The following MAP2K5 variants were observed in gnomAD, a reference collection of about 807,000 sequenced individuals.
MAP2K5 encodes mitogen-activated protein kinase kinase 5.
MAP2K5 carries 49 observed loss-of-function variants against 83.1 expected under a neutral mutation model. The ratio of observed to expected loss-of-function variants is 0.59; its 90% CI spans 0.47 to 0.75. The LOEUF (loss-of-function observed/expected upper bound fraction) is 0.75. MAP2K5 is among the 30% of genes least tolerant of loss of function. The pLI is 0.00. For missense variants in MAP2K5, 457 were observed against 557.5 expected (o/e 0.82, Z 1.82); for synonymous variants, 202 against 191.8 (o/e 1.05, Z -0.44).
intron 13 of MAP2K5, among the ~76,000 whole-genome samples, chr15:67,688,651 C>G (rs1230511691): frequency 1.3e-5 from 2 of 152,136 alleles, no homozygotes; most frequent in Admixed American, 6.5e-5. Flanking sequence ...TGATAATACA[C>G]TTAAAGAATG....
rs2088579471 is a variant in MAP2K5 at position 67,707,278 on chromosome 15, G to A, written c.1044+3870G>A. On this transcript the variant is annotated intron_variant, in intron 16 of 21. Transcript: ENST00000178640. ...ATTACCTGAAGGGATTAGGAAGTTA[G>A]TCCAAAAGAAGTACTTGAAGACCAA... Among the ~76,000 whole-genome samples the A allele has an allele frequency of 5.3e-5, 8 of 152,118 alleles. No individual in the cohort carries two copies. The South Asian group carries it at 1.7e-3, about 32-fold the overall frequency.
rs912125429 is a variant in MAP2K5 at position 67,738,752 on chromosome 15, T to C, written c.1075-9479T>C. Among the ~76,000 whole-genome samples the C allele has an allele frequency of 2.0e-5, 3 of 152,222 alleles. No individual in the cohort carries two copies. Among genetic ancestry groups the C allele is most frequent in the Admixed American group, 1.3e-4 (2 of 15,282 alleles). ...CTATCTGGTAATTTTTAAATGCATC[T>C]AAGTAATACCTTATTTGAACTAGAG... is the stretch of plus-strand genomic sequence containing the variant. On this transcript the variant is annotated intron_variant, in intron 17 of 21. Coordinates refer to ENST00000178640, the MANE Select transcript of MAP2K5 (RefSeq NM_145160.3). The surrounding 1 kb of genome is among the most constrained non-coding windows in gnomAD (Gnocchi z 4.1).
chr15:67,740,620 G>A (rs559960665), intron 17 of MAP2K5, among the ~76,000 whole-genome samples: 7 of 152,130 alleles, frequency 4.6e-5, no homozygotes, highest in Admixed American at 3.9e-4. Flanking sequence ...TTCCTTTTCA[G>A]TCTCAGATTT....
At chr15:67,709,667 TC>T (rs1253452827) in intron 16 of MAP2K5, among the ~76,000 whole-genome samples, 1 of 152,228 alleles carries the variant, frequency 6.6e-6, no homozygotes, top group African/African-American at 2.4e-5. Flanking sequence ...AGTCCCACTC[TC>T]ATTTTTTACT....
chr15:67,674,753 T>A (rs1256828182), intron 13 of MAP2K5, among the ~76,000 whole-genome samples: 2 of 152,040 alleles, frequency 1.3e-5, no homozygotes, highest in Non-Finnish European at 2.9e-5. Flanking sequence ...CAAAACTCAA[T>A]GGTAGAAAAA....
intron 21 of MAP2K5, among the ~76,000 whole-genome samples, chr15:67,776,926 A>G (rs955711324): frequency 1.3e-5 from 2 of 152,154 alleles, no homozygotes; most frequent in African/African-American, 2.4e-5. Context: ...CCCTTGACCA[A>G]TGGTCTGTGA....
At chr15:67,721,597 G>A (rs1218127961) in intron 16 of MAP2K5, among the ~76,000 whole-genome samples, 1 of 152,184 alleles carries the variant, frequency 6.6e-6, no homozygotes, top group Non-Finnish European at 1.5e-5. Flanking sequence ...AGAGCCCAGT[G>A]TTCCTAGGCT....
rs2089381731 is a variant in MAP2K5, at chr15:67,738,001, A to G, written c.1074+10056A>G. 6.6e-6 allele frequency among the ~76,000 whole-genome samples: 1 copy of G among 151,842 alleles called. No homozygotes were observed. Among genetic ancestry groups the G allele is most frequent in the African/African-American group, 2.4e-5 (1 of 41,412 alleles). ...CGAGTAGCTGGGATTATAGGAGTGCATCACCATACCCGGCTAATTTTTGTA... is the reference window on the plus strand; with the variant it reads ...CGAGTAGCTGGGATTATAGGAGTGCGTCACCATACCCGGCTAATTTTTGTA... On this transcript the variant is annotated intron_variant, in intron 17 of 21. Transcript: ENST00000178640. This position sits in a 1 kb window ranked among gnomAD's most constrained non-coding sequence, Gnocchi z 4.1.
At chr15:67,735,428 C>T (rs2089318593) in intron 17 of MAP2K5, among the ~76,000 whole-genome samples, 1 of 152,232 alleles carries the variant, frequency 6.6e-6, no homozygotes, top group South Asian at 2.1e-4. Context: ...ACCTTCTACA[C>T]TATTGTATGA....
intron 15 of MAP2K5, among the ~76,000 whole-genome samples, chr15:67,696,840 G>A (rs1401521873): frequency 6.6e-6 from 1 of 151,878 alleles, no homozygotes; most frequent in Admixed American, 6.6e-5. Flanking sequence ...TCAGCTGGGC[G>A]TGGTGGTGCA....
At position 67,552,488 on chromosome 15, in the gene MAP2K5, G is replaced by A. The variant is rs943388124; in HGVS notation, c.184+2406G>A. On this transcript the variant is annotated intron_variant, in intron 2 of 21. Coordinates refer to ENST00000178640, the MANE Select transcript of MAP2K5 (RefSeq NM_145160.3). This position sits in a 1 kb window ranked among gnomAD's most constrained non-coding sequence, Gnocchi z 4.2. The stretch of plus-strand genomic sequence containing the variant: ...ATTGCTCTGTTGCCCAGGCTGGAGT[G>A]CAGTGACATGATGATAGCTCACTGC... 1.3e-5 allele frequency among the ~76,000 whole-genome samples: 2 copies of A among 152,124 alleles called. No homozygotes were observed. Among genetic ancestry groups the A allele is most frequent in the African/African-American group, 4.8e-5 (2 of 41,398 alleles).
intron 3 of MAP2K5, among the ~76,000 whole-genome samples, chr15:67,569,537 T>G (rs1057475298): frequency 2.0e-5 from 3 of 152,236 alleles, no homozygotes; most frequent in Admixed American, 6.5e-5. Context: ...TTATTTTAAT[T>G]CTCTTCTCTG....
In MAP2K5 at chr15:67,752,343, A is replaced by G. The variant is rs1277945339; in HGVS notation, c.1134+3742A>G. Among the ~76,000 whole-genome samples, 4 of 151,760 alleles carry G rather than the reference A, an allele frequency of 2.6e-5. No homozygotes were observed. In the East Asian group the frequency reaches 5.9e-4, roughly 22 times the overall value. Reference sequence around the variant, plus strand: ...TGGCCTCCCAAAGTGCTGATTTCATATGGTACTTTTTAGTTTTGCTAAGGT... The same window carrying G: ...TGGCCTCCCAAAGTGCTGATTTCATGTGGTACTTTTTAGTTTTGCTAAGGT... On this transcript the variant is annotated intron_variant, in intron 19 of 21. Coordinates refer to ENST00000178640, the MANE Select transcript of MAP2K5 (RefSeq NM_145160.3).
intron 13 of MAP2K5, among the ~76,000 whole-genome samples, chr15:67,669,967 A>G (rs1300687953): frequency 6.6e-6 from 1 of 152,188 alleles, no homozygotes; most frequent in Non-Finnish European, 1.5e-5. Context: ...AAAGGAAAAC[A>G]TATGTCCACA....
chr15:67,629,004 G>A, intron 8 of MAP2K5: 1 of 758,162 alleles, frequency 1.3e-6, no homozygotes, highest in Non-Finnish European at 2.4e-6. Flanking sequence ...ACCCGTGAAG[G>A]GAGGAAACTT....
chr15:67,729,769 CA>C (rs990806165), intron 17 of MAP2K5, among the ~76,000 whole-genome samples: 3 of 151,522 alleles, frequency 2.0e-5, no homozygotes, highest in East Asian at 1.9e-4. Flanking sequence ...GTCTCAAAAA[CA>C]AAAAAAAGAA....
chr15:67,697,019 A>C (rs1056355936), intron 15 of MAP2K5, among the ~76,000 whole-genome samples: 2 of 152,150 alleles, frequency 1.3e-5, no homozygotes, highest in Non-Finnish European at 2.9e-5. Context: ...TACAGTGTAC[A>C]AACTTGATGA....
At chr15:67,632,855 C>G (rs1367072953) in intron 9 of MAP2K5, among the ~76,000 whole-genome samples, 1 of 152,202 alleles carries the variant, frequency 6.6e-6, no homozygotes. Context: ...AGTTCTTCTT[C>G]CATATCACAT....
intron 13 of MAP2K5, among the ~76,000 whole-genome samples, chr15:67,666,785 T>C (rs980700209): frequency 1.3e-5 from 2 of 152,062 alleles, no homozygotes; most frequent in Admixed American, 1.3e-4. Flanking sequence ...AAGATATCTG[T>C]TGGGGACACA....
Sources: gnomAD v4.1 joint callset for allele counts (sites outside exome capture counted in the v4.1 genomes callset) on GRCh38, gnomAD v4.1.1 for gene constraint, Gnocchi (gnomAD v3.1) non-coding constraint, MANE v1.5 for transcripts, NCBI Gene and HGNC (gene_info 2026-07-23, HGNC 2026-07-21) for gene names.